Variants in GINS2 observed in about 807,000 individuals in gnomAD.
GINS2 encodes DNA replication complex GINS protein PSF2.
Under a neutral mutation model 21.2 loss-of-function variants are expected in GINS2, and 23 were observed. That is an observed-to-expected ratio of 1.08 (90% confidence interval 0.78 to 1.53). The LOEUF (loss-of-function observed/expected upper bound fraction) is 1.53, where lower values mean the gene tolerates loss of function less well. Ranked by LOEUF, GINS2 falls within the 40% of genes most tolerant of loss-of-function variation. GINS2 has a pLI of 0.00. For missense variants in GINS2, 323 were observed against 233.9 expected, an observed-to-expected ratio of 1.38 and a Z score of -2.49; for synonymous variants, 118 against 85.6, an observed-to-expected ratio of 1.38 and a Z score of -2.09.
At chr16:85,684,805 T>C (rs1187374798) in intron 2 of GINS2, among the ~76,000 whole-genome samples, 2 of 151,406 alleles carry the variant, frequency 1.3e-5, no homozygotes, top group Non-Finnish European at 2.9e-5. Flanking sequence ...TTTGTTTTCC[T>C]GAGATGGAGT....
At chr16:85,685,679 A>AAACAAAAAAAAAAAAAAAAAC (rs1555579568) in intron 2 of GINS2, among the ~76,000 whole-genome samples, 1 of 144,154 alleles carries the variant, frequency 6.9e-6, no homozygotes, top group African/African-American at 2.8e-5. Flanking sequence ...TCAAAAAAAA[A>AAACAAAAAAAAAAAAAAAAAC]AAAAAAAAAA....
rs1363955302 is a variant in GINS2 at position 85,676,768 on chromosome 16, CTG to C, written c.*1442_*1443del. On this transcript the variant is annotated 3_prime_UTR_variant, in exon 5 of 5. Transcript: ENST00000253462. ...GCTTTGGGAGGCTGTGGTGGGAGAA[CTG>C]TGTGAACCCAGGAGTTCGAGGCTGC... is the stretch of plus-strand genomic sequence containing the variant. 2 of 152,184 alleles carry C rather than the reference CTG, an allele frequency of 1.3e-5. No individual in the cohort carries two copies. Among genetic ancestry groups the C allele is most frequent in the African/African-American group, 4.8e-5 (2 of 41,442 alleles). The allele number at this position is 152,184 out of a possible 1,614,324, so 9.4% of individuals were successfully genotyped here. A position where few individuals can be genotyped will look rare whatever the true frequency, so the allele number is the denominator to read the frequency against.
At chr16:85,682,020 C>CTTTTTTTTT (rs1567791526) in intron 2 of GINS2, among the ~76,000 whole-genome samples, 3 of 118,454 alleles carry the variant, frequency 2.5e-5, no homozygotes, top group African/African-American at 1.0e-4. Flanking sequence ...ACCTTTACCG[C>CTTTTTTTTT]CTTTTTTTTT....
intron 1 of GINS2, chr16:85,688,087 G>T (rs1453143650): frequency 6.5e-6 from 1 of 152,736 alleles, no homozygotes; most frequent in Non-Finnish European, 1.5e-5. Context: ...AGCCGAGATC[G>T]CGCCACTGCA....
intron 3 of GINS2, among the ~76,000 whole-genome samples, chr16:85,681,178 A>G (rs1297769218): frequency 6.6e-6 from 1 of 152,242 alleles, no homozygotes; most frequent in Non-Finnish European, 1.5e-5. Flanking sequence ...ACCTACTCCA[A>G]GGAGAAACAG....
Position 85,676,899 on chromosome 16 carries a change from TC to T in GINS2, c.*1312del, listed in dbSNP as rs2053679597. ...TTTTGTTTGAGACAGAGTCTTGCTC[TC>T]GTTGCCCAGGCAGGAGTACAGTGGT... On this transcript the variant is annotated 3_prime_UTR_variant, in exon 5 of 5. Coordinates refer to ENST00000253462, the MANE Select transcript of GINS2 (RefSeq NM_016095.3). 6.6e-6 allele frequency: 1 copy of T among 152,240 alleles called. No individual in the cohort carries two copies. The highest frequency in any genetic ancestry group is 1.5e-5 in the Non-Finnish European group (1 of 68,060). The allele number at this position is 152,240 out of a possible 1,614,324, so 9.4% of individuals were successfully genotyped here.
chr16:85,687,850 T>C, intron 1 of GINS2: 1 of 293,770 alleles, frequency 3.4e-6, no homozygotes, highest in Admixed American at 5.2e-5. Context: ...GCCTGCACCC[T>C]CCAACTCCGG....
rs569702782 is a variant in GINS2 at position 85,677,452 on chromosome 16, T to G, written c.*760A>C. On this transcript the variant is annotated 3_prime_UTR_variant, in exon 5 of 5. Transcript: ENST00000253462. ...CTCATGCTCAATACATTGTCACTCA[T>G]GCTCAATACATTGGATTCGTTTTTT... 2 of 152,384 alleles carry G rather than the reference T, an allele frequency of 1.3e-5. No individual in the cohort carries two copies. The highest frequency in any genetic ancestry group is 1.9e-4 in the East Asian group (1 of 5,188). The allele number at this position is 152,384 out of a possible 1,614,324, so 9.4% of individuals were successfully genotyped here. A position where few individuals can be genotyped will look rare whatever the true frequency, so the allele number is the denominator to read the frequency against.
At chr16:85,682,935 C>T (rs1052371097) in intron 2 of GINS2, among the ~76,000 whole-genome samples, 9 of 152,096 alleles carry the variant, frequency 5.9e-5, no homozygotes, top group Admixed American at 2.6e-4. Flanking sequence ...TTCACTGCCG[C>T]CAGCACCGCC....
intron 3 of GINS2, among the ~76,000 whole-genome samples, chr16:85,680,859 G>C (rs766811287): frequency 1.3e-5 from 2 of 152,216 alleles, no homozygotes; most frequent in Admixed American, 1.3e-4. Context: ...GCTGTAGAGA[G>C]GGTGAAAGAG....
rs1390330682 is a variant in GINS2, at chr16:85,677,521, G to C, written c.*691C>G. The C allele has an allele frequency of 6.6e-6, 1 of 152,204 alleles. No homozygotes were observed. Among genetic ancestry groups the C allele is most frequent in the African/African-American group, 2.4e-5 (1 of 41,432 alleles). 9.4% of individuals were successfully genotyped at this position (152,204 alleles called of 1,614,324 possible). ...TAAGCAACCCATTAAACCTGAGCTA[G>C]AAGTAGCCAAGAGAAGGAGACACCC... On this transcript the variant is annotated 3_prime_UTR_variant, in exon 5 of 5. Transcript: ENST00000253462.
At chr16:85,685,679 A>AAAAAAC (rs2053769511) in intron 2 of GINS2, among the ~76,000 whole-genome samples, 3 of 144,154 alleles carry the variant, frequency 2.1e-5, no homozygotes, top group African/African-American at 8.3e-5. Context: ...TCAAAAAAAA[A>AAAAAAC]AAAAAAAAAA....
intron 2 of GINS2, 57 bp from the exon 3 acceptor site, chr16:85,681,738 C>G (rs956227905): frequency 9.1e-7 from 1 of 1,093,256 alleles, no homozygotes; most frequent in Non-Finnish European, 1.4e-6. Flanking sequence ...ATTTATTAAA[C>G]CTTCCAAATT....
chr16:85,683,396 G>A (rs994635131), intron 2 of GINS2, among the ~76,000 whole-genome samples: 1 of 150,686 alleles, frequency 6.6e-6, no homozygotes, highest in Non-Finnish European at 1.5e-5. Flanking sequence ...ATCAGCCCCT[G>A]AGCTCTAACT....
At chr16:85,682,275 G>A (rs979302635) in intron 2 of GINS2, among the ~76,000 whole-genome samples, 1 of 152,040 alleles carries the variant, frequency 6.6e-6, no homozygotes, top group African/African-American at 2.4e-5. Context: ...TCAGCTTCTC[G>A]AAGTGCTGGG....
intron 2 of GINS2, among the ~76,000 whole-genome samples, chr16:85,683,711 G>C (rs1171319683): frequency 6.6e-6 from 1 of 152,226 alleles, no homozygotes; most frequent in African/African-American, 2.4e-5. Flanking sequence ...CTCAGTGCTT[G>C]CCTGGATTCA....
rs1341322570 is a variant in GINS2 at position 85,688,909 on chromosome 16, G to A, written c.-11C>T. On this transcript the variant is annotated 5_prime_UTR_variant, in exon 1 of 5. Coordinates refer to ENST00000253462, the MANE Select transcript of GINS2 (RefSeq NM_016095.3). ...CTCGGCAGCGTCCATGGCGGCGCGA[G>A]CTGCAGGCCAGAGCCTCACGGTCTC... is the stretch of plus-strand genomic sequence containing the variant. The A allele has an allele frequency of 1.3e-6, 2 of 1,532,704 alleles. No individual in the cohort carries two copies. The highest frequency in any genetic ancestry group is 2.5e-5 in the East Asian group (1 of 39,518). The allele number at this position is 1,532,704 out of a possible 1,614,324, so 94.9% of individuals were successfully genotyped here.
chr16:85,680,200 G>A (rs1182925749), intron 3 of GINS2, among the ~76,000 whole-genome samples: 1 of 152,216 alleles, frequency 6.6e-6, no homozygotes, highest in Non-Finnish European at 1.5e-5. Context: ...CGAGTGGAAT[G>A]CTTGGTGCAT....
In GINS2 at chr16:85,682,302, A is replaced by T. The variant is rs576571644; in HGVS notation, c.206-621T>A. On this transcript the variant is annotated intron_variant, in intron 2 of 4. Coordinates refer to ENST00000253462, the MANE Select transcript of GINS2 (RefSeq NM_016095.3). ...AGTGCTGGGATTATAGGAGTGAGTC[A>T]CCTGGTCAGTATTAGACCTTTGATG... 2.0e-5 allele frequency among the ~76,000 whole-genome samples: 3 copies of T among 152,092 alleles called. No individual in the cohort carries two copies. The East Asian group carries it at 5.8e-4, about 29-fold the overall frequency.
Sources: gnomAD v4.1 joint callset for allele counts (sites outside exome capture counted in the v4.1 genomes callset) on GRCh38, gnomAD v4.1.1 for gene constraint, MANE v1.5 for transcripts, NCBI Gene and HGNC (gene_info 2026-07-23, HGNC 2026-07-21) for gene names.